Variants in HDAC4 observed in about 807,000 individuals in gnomAD.
HDAC4 encodes histone deacetylase A.
A neutral mutation model predicts 135.1 loss-of-function variants in HDAC4; 16 were observed. That is an observed-to-expected ratio of 0.12 (90% confidence interval 0.08 to 0.18). The LOEUF (loss-of-function observed/expected upper bound fraction) is 0.18, where lower values mean the gene tolerates loss of function less well. Among genes scored for constraint, HDAC4 ranks in the 10% least tolerant of loss-of-function variants. The pLI is 1.00. For synonymous variants in HDAC4, 685 were observed against 653.4 expected (o/e 1.05, Z -0.74); for missense variants, 1,143 against 1,511.8 (o/e 0.76, Z 4.05).
intron 13 of HDAC4, among the ~76,000 whole-genome samples, chr2:239,114,111 G>C (rs1390905570): frequency 6.6e-6 from 1 of 152,180 alleles, no homozygotes; most frequent in Admixed American, 6.5e-5. Flanking sequence ...AAGCATTTAA[G>C]AACTGTAGCT....
chr2:239,229,107 A>G (rs2047401444), intron 3 of HDAC4, among the ~76,000 whole-genome samples: 1 of 152,178 alleles, frequency 6.6e-6, no homozygotes, highest in African/African-American at 2.4e-5. Flanking sequence ...CTGCCACTGC[A>G]CTCCAGCCCT....
intron 2 of HDAC4, among the ~76,000 whole-genome samples, chr2:239,347,102 CAT>C (rs1559376717): frequency 6.6e-6 from 1 of 152,264 alleles, no homozygotes; most frequent in Non-Finnish European, 1.5e-5. Flanking sequence ...CTAACACACA[CAT>C]ACACACAGAC....
rs986902907 is a variant in HDAC4 at position 239,349,892 on chromosome 2, G to A, written c.22+2786C>T. Among the ~76,000 whole-genome samples the A allele has an allele frequency of 6.6e-6, 1 of 152,224 alleles. No homozygotes were observed. The highest frequency in any genetic ancestry group is 1.5e-5 in the Non-Finnish European group (1 of 68,030). Reference sequence around the variant, plus strand: ...AGCCCTGCCCTCACCAGTGCGGCCTGTCTTCAGCCTCCAACCCACTGAGAG... The same window carrying A: ...AGCCCTGCCCTCACCAGTGCGGCCTATCTTCAGCCTCCAACCCACTGAGAG... On this transcript the variant is annotated intron_variant, in intron 2 of 26. Coordinates refer to ENST00000543185, the MANE Select transcript of HDAC4 (RefSeq NM_001378414.1). The surrounding 1 kb of genome is among the most constrained non-coding windows in gnomAD (Gnocchi z 5.7).
Position 239,050,947 on chromosome 2 carries a change from G to C in HDAC4, c.*2150C>G, listed in dbSNP as rs1574826570. Reference sequence around the variant, plus strand: ...CCACAGGCTCCAAAATCCAGGGCTGGCCACGTGGCTGCAGTGGAAAAACCC... The same window carrying C: ...CCACAGGCTCCAAAATCCAGGGCTGCCCACGTGGCTGCAGTGGAAAAACCC... On this transcript the variant is annotated 3_prime_UTR_variant, in exon 27 of 27. Coordinates refer to ENST00000543185, the MANE Select transcript of HDAC4 (RefSeq NM_001378414.1). 6.6e-6 allele frequency: 1 copy of C among 152,638 alleles called. No homozygotes were observed. Among genetic ancestry groups the C allele is most frequent in the Non-Finnish European group, 1.5e-5 (1 of 68,028 alleles). The allele number at this position is 152,638 out of a possible 1,614,324, so 9.5% of individuals were successfully genotyped here. A position where few individuals can be genotyped will look rare whatever the true frequency, so the allele number is the denominator to read the frequency against.
intron 3 of HDAC4, among the ~76,000 whole-genome samples, chr2:239,193,319 C>T (rs1311515489): frequency 6.6e-6 from 1 of 152,248 alleles, no homozygotes. Flanking sequence ...TCTTTAAAAA[C>T]CGAACATAAA....
chr2:239,143,253 C>T (rs2041523472), intron 8 of HDAC4, among the ~76,000 whole-genome samples: 1 of 105,184 alleles, frequency 9.5e-6, no homozygotes, highest in African/African-American at 3.1e-5. Context: ...TCACCCACTG[C>T]ACACTTTAAA....
At chr2:239,077,034 C>T (rs1282909371) in intron 22 of HDAC4, among the ~76,000 whole-genome samples, 2 of 152,184 alleles carry the variant, frequency 1.3e-5, no homozygotes, top group Non-Finnish European at 2.9e-5. Flanking sequence ...CTGTCCCAAT[C>T]TCTGCCGCTG....
At chr2:239,103,080 T>G (rs1447221224) in intron 15 of HDAC4, among the ~76,000 whole-genome samples, 184 bp from the exon 16 acceptor site, 1 of 152,236 alleles carries the variant, frequency 6.6e-6, no homozygotes, top group Non-Finnish European at 1.5e-5. Flanking sequence ...TTAAAATATT[T>G]AAGAAATATT....
chr2:239,248,173 C>A (rs2048574971), intron 2 of HDAC4, among the ~76,000 whole-genome samples: 1 of 151,642 alleles, frequency 6.6e-6, no homozygotes, highest in African/African-American at 2.4e-5. Flanking sequence ...GAAAGACTTA[C>A]TCCTCTTGCA....
intron 2 of HDAC4, chr2:239,305,558 A>T (rs948816117): frequency 1.3e-5 from 2 of 152,596 alleles, no homozygotes; most frequent in African/African-American, 4.8e-5. Flanking sequence ...AGGCTTTCAA[A>T]TTTTTCCTTA....
chr2:239,393,883 C>T (rs1237777524), intron 1 of HDAC4, among the ~76,000 whole-genome samples: 1 of 152,202 alleles, frequency 6.6e-6, no homozygotes. Flanking sequence ...AAACCTAGTA[C>T]TTGGGCTGGG....
At chr2:239,061,835 C>G (rs57266868) in intron 24 of HDAC4, among the ~76,000 whole-genome samples, 1 of 152,340 alleles carries the variant, frequency 6.6e-6, no homozygotes, top group East Asian at 1.9e-4. Context: ...ATGTCTTCCA[C>G]GAATCCTGGA....
At chr2:239,387,123 C>T (rs188135603) in intron 1 of HDAC4, among the ~76,000 whole-genome samples, 4 of 152,372 alleles carry the variant, frequency 2.6e-5, no homozygotes, top group Admixed American at 6.5e-5. Context: ...CACGTGCACA[C>T]GCACGTACAT....
At chr2:239,233,062 G>A (rs2047687779) in intron 3 of HDAC4, among the ~76,000 whole-genome samples, 1 of 152,270 alleles carries the variant, frequency 6.6e-6, no homozygotes, top group African/African-American at 2.4e-5. Flanking sequence ...AAAACGCAAA[G>A]AAATAGGAGG....
At chr2:239,233,122 C>G (rs532062260) in intron 3 of HDAC4, among the ~76,000 whole-genome samples, 12 of 152,294 alleles carry the variant, frequency 7.9e-5, no homozygotes, top group Non-Finnish European at 1.8e-4. Flanking sequence ...TAGTGGTAGG[C>G]AAATGGTTAT....
chr2:239,210,624 C>T (rs1469889708), intron 3 of HDAC4, among the ~76,000 whole-genome samples: 1 of 152,122 alleles, frequency 6.6e-6, no homozygotes. Context: ...AATGTCTTGC[C>T]CCACTTCCAC....
Position 239,144,640 on chromosome 2 carries a change from G to T in HDAC4, c.808C>A (p.Arg270Ser). 1 of 1,614,174 alleles carries T rather than the reference G, an allele frequency of 6.2e-7. No individual in the cohort carries two copies. The highest frequency in any genetic ancestry group is 8.5e-7 in the Non-Finnish European group (1 of 1,180,016). ...VAERRSSPLL[R>S]RKDGPVVTAL... ...GTGACCACTGGCCCGTCTTTCCTGC[G>T]TAACAGGGGGCTGCTCCGTCTTTCG... The change falls in exon 8 of 27, where the codon CGC becomes AGC. Residue 270 changes from arginine (R) to serine (S), a missense_variant. Coordinates refer to ENST00000543185, the MANE Select transcript of HDAC4 (RefSeq NM_001378414.1).
At position 239,204,560 on chromosome 2, in the gene HDAC4, T is replaced by C. The variant is rs57043042; in HGVS notation, c.95-14483A>G. Reference sequence around the variant, plus strand: ...GGCCCTTACAGTCTGCCATCTGCACTGCCAGCCCCTACGCTGGCCCAAGAA... The same window carrying C: ...GGCCCTTACAGTCTGCCATCTGCACCGCCAGCCCCTACGCTGGCCCAAGAA... On this transcript the variant is annotated intron_variant, in intron 3 of 26. Transcript: ENST00000543185. 3.7e-3 allele frequency among the ~76,000 whole-genome samples: 567 copies of C among 152,318 alleles called. 3 individuals carry two copies. The highest frequency in any genetic ancestry group is 0.013 in the African/African-American group (546 of 41,572).
intron 9 of HDAC4, among the ~76,000 whole-genome samples, chr2:239,135,350 G>A (rs2040877509): frequency 6.6e-6 from 1 of 152,198 alleles, no homozygotes; most frequent in African/African-American, 2.4e-5. Flanking sequence ...GGTCAGCACA[G>A]AGAGCTTGCA....
Sources: gnomAD v4.1 joint callset for allele counts (sites outside exome capture counted in the v4.1 genomes callset) on GRCh38, gnomAD v4.1.1 for gene constraint, Gnocchi (gnomAD v3.1) non-coding constraint, MANE v1.5 for transcripts, NCBI Gene and HGNC (gene_info 2026-07-23, HGNC 2026-07-21) for gene names.